Variants in FILIP1L observed in about 807,000 individuals in gnomAD.
FILIP1L encodes filamin A interacting protein 1 like, also known as filamin A-interacting protein 1-like.
A neutral mutation model predicts 96.6 loss-of-function variants in FILIP1L; 55 were observed. The ratio of observed to expected loss-of-function variants is 0.57; its 90% CI spans 0.46 to 0.71. The LOEUF is 0.71. FILIP1L is among the 30% of genes least tolerant of loss of function. The pLI is 0.00. For missense variants in FILIP1L, 1,304 were observed against 1,321.2 expected (o/e 0.99, Z 0.20); for synonymous variants, 467 against 473.9 (o/e 0.99, Z 0.19).
At chr3:99,957,488 C>T (rs1348472196) in intron 1 of FILIP1L, among the ~76,000 whole-genome samples, 1 of 152,036 alleles carries the variant, frequency 6.6e-6, no homozygotes, top group Non-Finnish European at 1.5e-5. Context: ...GAAAGATCCT[C>T]ATTAGGTTTC....
At chr3:100,054,113 C>T (rs2065420688) in intron 1 of FILIP1L, among the ~76,000 whole-genome samples, 1 of 152,182 alleles carries the variant, frequency 6.6e-6, no homozygotes, top group Non-Finnish European at 1.5e-5. Flanking sequence ...AAGGGTCAAA[C>T]ATTTGTGTGC....
intron 4 of FILIP1L, among the ~76,000 whole-genome samples, chr3:99,868,598 A>G (rs944792724): frequency 3.9e-5 from 6 of 152,250 alleles, no homozygotes; most frequent in African/African-American, 7.2e-5. Context: ...TCCTTTCTGC[A>G]TAAGTCCAGG....
chr3:100,014,895 C>CTTTTTTTTTTTTTTTTTTTTTTTTTT (rs1233573719), intron 1 of FILIP1L, among the ~76,000 whole-genome samples: 35 of 25,008 alleles, frequency 1.4e-3, no homozygotes, highest in African/African-American at 1.8e-3. Context: ...TTCTTTCTTT[C>CTTTTTTTTTTTTTTTTTTTTTTTTTT]TTTTTTTTTT....
At chr3:100,106,570 T>C (rs1480116234) in intron 1 of FILIP1L, among the ~76,000 whole-genome samples, 3 of 152,182 alleles carry the variant, frequency 2.0e-5, no homozygotes, top group Non-Finnish European at 4.4e-5. Flanking sequence ...GATTTCTTAG[T>C]TGAAAAAGAT....
At chr3:99,945,076 C>G (rs1022331182) in intron 1 of FILIP1L, among the ~76,000 whole-genome samples, 7 of 152,146 alleles carry the variant, frequency 4.6e-5, no homozygotes, top group African/African-American at 1.7e-4. Context: ...CAAAAAGCAT[C>G]AAGGAAAATA....
At chr3:99,860,396 T>G (rs141644728) in intron 4 of FILIP1L, among the ~76,000 whole-genome samples, 1 of 152,200 alleles carries the variant, frequency 6.6e-6, no homozygotes, top group African/African-American at 2.4e-5. Context: ...TAGCAGAGAA[T>G]CAGGATTCTA....
At chr3:99,831,941 A>G (rs746597427) in intron 5 of FILIP1L, among the ~76,000 whole-genome samples, 28 of 152,204 alleles carry the variant, frequency 1.8e-4, no homozygotes, top group Non-Finnish European at 4.0e-4. Flanking sequence ...GCATAGTTCA[A>G]TACTGTGAAA....
At chr3:100,077,493 T>C (rs910312212) in intron 1 of FILIP1L, among the ~76,000 whole-genome samples, 1 of 152,212 alleles carries the variant, frequency 6.6e-6, no homozygotes, top group African/African-American at 2.4e-5. Context: ...GCAGTGTGTA[T>C]TTAAGATAAG....
intron 1 of FILIP1L, among the ~76,000 whole-genome samples, chr3:99,975,986 G>A (rs1708958280): frequency 6.6e-6 from 1 of 152,304 alleles, no homozygotes; most frequent in South Asian, 2.1e-4. Context: ...CTGGGTTCAA[G>A]CGATTCTCCT....
intron 3 of FILIP1L, among the ~76,000 whole-genome samples, chr3:99,929,517 T>C (rs1243428905): frequency 2.7e-5 from 4 of 145,576 alleles, no homozygotes; most frequent in Admixed American, 1.4e-4. Context: ...TCCCAGAGTG[T>C]GTGTGTGTGT....
chr3:99,876,301 C>G, intron 4 of FILIP1L: 1 of 677,924 alleles, frequency 1.5e-6, no homozygotes, highest in Non-Finnish European at 1.8e-6. Flanking sequence ...GCGGCGGCGG[C>G]GCAGCCACAC....
intron 5 of FILIP1L, chr3:99,833,063 C>G (rs1322236359): frequency 1.6e-6 from 1 of 640,218 alleles, no homozygotes; most frequent in Non-Finnish European, 2.8e-6. Context: ...AGTGAATGTT[C>G]TACTCAGAGT....
chr3:99,931,738 T>A (rs1200645183), intron 1 of FILIP1L, among the ~76,000 whole-genome samples: 1 of 152,196 alleles, frequency 6.6e-6, no homozygotes, highest in Non-Finnish European at 1.5e-5. Context: ...CTACCTAACG[T>A]AGTTGGCCAT....
intron 1 of FILIP1L, among the ~76,000 whole-genome samples, chr3:100,042,815 G>A (rs1365521782): frequency 6.6e-6 from 1 of 152,162 alleles, no homozygotes; most frequent in Non-Finnish European, 1.5e-5. Flanking sequence ...TAACAATCGA[G>A]TACTTCTTAC....
chr3:99,958,997 G>T (rs1465256320), intron 1 of FILIP1L, among the ~76,000 whole-genome samples: 1 of 152,066 alleles, frequency 6.6e-6, no homozygotes, highest in Non-Finnish European at 1.5e-5. Flanking sequence ...TCATGCCTTG[G>T]TAACTATTTG....
intron 1 of FILIP1L, among the ~76,000 whole-genome samples, chr3:100,024,282 G>T (rs1365777933): frequency 6.6e-6 from 1 of 152,100 alleles, no homozygotes; most frequent in East Asian, 1.9e-4. Context: ...TAGGTTTGCC[G>T]ATTACAATTT....
chr3:99,978,031 C>G (rs566382330), intron 1 of FILIP1L, among the ~76,000 whole-genome samples: 1 of 152,210 alleles, frequency 6.6e-6, no homozygotes, highest in East Asian at 1.9e-4. Flanking sequence ...ATAATTCCAC[C>G]TAAAGTCATT....
intron 4 of FILIP1L, among the ~76,000 whole-genome samples, chr3:99,856,054 T>C (rs2107541649): frequency 6.6e-6 from 1 of 152,318 alleles, no homozygotes; most frequent in African/African-American, 2.4e-5. Context: ...AAGGCACTGC[T>C]CCATCCATTG....
At chr3:99,858,564 A>G (rs1370801407) in intron 4 of FILIP1L, among the ~76,000 whole-genome samples, 3 of 152,228 alleles carry the variant, frequency 2.0e-5, no homozygotes, top group Admixed American at 6.5e-5. Context: ...TACTTTTACA[A>G]AATTATTTAG....
Sources: gnomAD v4.1 joint callset for allele counts (sites outside exome capture counted in the v4.1 genomes callset) on GRCh38, gnomAD v4.1.1 for gene constraint, MANE v1.5 for transcripts, NCBI Gene and HGNC (gene_info 2026-07-23, HGNC 2026-07-21) for gene names.